Variants in ANXA13 observed in about 807,000 individuals in gnomAD.
The protein encoded by ANXA13 is annexin A13.
ANXA13 carries 36 observed loss-of-function variants against 46.6 expected under a neutral mutation model. The ratio of observed to expected loss-of-function variants is 0.77; its 90% CI spans 0.59 to 1.02. ANXA13 has a LOEUF of 1.02. Among genes scored for constraint, ANXA13 ranks in the 50% least tolerant of loss-of-function variants. ANXA13 has a pLI of 0.00. For synonymous variants in ANXA13, 163 were observed against 152.9 expected (o/e 1.07, Z -0.49); for missense variants, 417 against 396.5 (o/e 1.05, Z -0.44).
At chr8:123,706,110 G>C (rs1240158160) in intron 2 of ANXA13, among the ~76,000 whole-genome samples, 5 of 152,190 alleles carry the variant, frequency 3.3e-5, no homozygotes, top group Non-Finnish European at 5.9e-5. Flanking sequence ...TGCAAAAATA[G>C]CAGGAGTGAG....
intron 6 of ANXA13, among the ~76,000 whole-genome samples, chr8:123,695,048 CTTG>C (rs773697075): frequency 3.3e-5 from 5 of 151,902 alleles, no homozygotes; most frequent in African/African-American, 4.8e-5. Context: ...GGCTGAGTTT[CTTG>C]TTGTAGTCCT....
intron 8 of ANXA13, among the ~76,000 whole-genome samples, chr8:123,689,786 C>A (rs1200255232): frequency 2.0e-5 from 3 of 152,132 alleles, no homozygotes; most frequent in African/African-American, 7.2e-5. Context: ...TGCAATTAAG[C>A]ATTAGAAACA....
In ANXA13 at chr8:123,695,424, C is replaced by T. The variant is rs1043222568; in HGVS notation, c.471+78G>A. 6.5e-6 allele frequency: 7 copies of T among 1,072,884 alleles called. No homozygotes were observed. The African/African-American group carries it at 1.1e-4, about 17-fold the overall frequency. The allele number at this position is 1,072,884 out of a possible 1,614,324, so 66.5% of individuals were successfully genotyped here. ...AAGAAAGAAATGTTTATCTACGTTA[C>T]CCTTTTTCATCATGGTGCCATGTTG... On this transcript the variant is annotated intron_variant, in intron 6 of 10. Coordinates refer to ENST00000419625, the MANE Select transcript of ANXA13 (RefSeq NM_004306.4).
intron 1 of ANXA13, among the ~76,000 whole-genome samples, chr8:123,731,051 T>C (rs1814107749): frequency 6.6e-6 from 1 of 152,186 alleles, no homozygotes; most frequent in Non-Finnish European, 1.5e-5. Flanking sequence ...AGGCTTATGC[T>C]TCAACTGTCA....
At chr8:123,731,775 G>A (rs1814123609) in intron 1 of ANXA13, among the ~76,000 whole-genome samples, 1 of 152,142 alleles carries the variant, frequency 6.6e-6, no homozygotes, top group Admixed American at 6.5e-5. Context: ...TTGGGGGTAT[G>A]GGGGTGCTGA....
chr8:123,681,094 T>G lies in ANXA13; in HGVS notation c.*146A>C. On this transcript the variant is annotated 3_prime_UTR_variant, in exon 11 of 11. Coordinates refer to ENST00000419625, the MANE Select transcript of ANXA13 (RefSeq NM_004306.4). Reference sequence around the variant, plus strand: ...GTTACTGCCCTTAACTTACACAGCTTGGCCTGGCTGCGCCACTTAAGCTGC... The same window carrying G: ...GTTACTGCCCTTAACTTACACAGCTGGGCCTGGCTGCGCCACTTAAGCTGC... 1 of 1,152,320 alleles carries G rather than the reference T, an allele frequency of 8.7e-7. No homozygotes were observed. Among genetic ancestry groups the G allele is most frequent in the Non-Finnish European group, 1.2e-6 (1 of 834,900 alleles). The allele number at this position is 1,152,320 out of a possible 1,614,324, so 71.4% of individuals were successfully genotyped here. A position where few individuals can be genotyped will look rare whatever the true frequency, so the allele number is the denominator to read the frequency against.
chr8:123,714,750 G>A (rs1484042512), intron 1 of ANXA13, among the ~76,000 whole-genome samples: 1 of 152,206 alleles, frequency 6.6e-6, no homozygotes, highest in Non-Finnish European at 1.5e-5. Context: ...CGCAGCATCT[G>A]TTCCTGAAAC....
At chr8:123,714,117 T>A (rs1352568646) in intron 1 of ANXA13, among the ~76,000 whole-genome samples, 3 of 152,226 alleles carry the variant, frequency 2.0e-5, no homozygotes, top group Non-Finnish European at 4.4e-5. Flanking sequence ...GTCAACCACA[T>A]GCAGCTCAGT....
At chr8:123,684,857 G>A (rs1813111620) in intron 9 of ANXA13, 135 bp from the exon 10 acceptor site, 1 of 649,156 alleles carries the variant, frequency 1.5e-6, no homozygotes, top group African/African-American at 1.8e-5. Flanking sequence ...GAGCTGACTT[G>A]ACACCGTTGC....
In ANXA13 at chr8:123,698,411, A is replaced by C; in HGVS notation, c.335T>G (p.Val112Gly). 6.2e-7 allele frequency: 1 copy of C among 1,614,016 alleles called. No individual in the cohort carries two copies. The highest frequency in any genetic ancestry group is 8.5e-7 in the Non-Finnish European group (1 of 1,179,984). Residue 112 changes from valine (V) to glycine (G), a missense_variant, in exon 4 of 11, where the codon GTC becomes GGC. By Grantham distance (109) the Val-to-Gly change is moderately radical (BLOSUM62 -3). Coordinates refer to ENST00000419625, the MANE Select transcript of ANXA13 (RefSeq NM_004306.4). ...GACCTTATTGGTCCTCGTGCACAGG[A>C]CCTCAATGAGGACGGACTCATCTGT... ...LGTDESVLIE[V>G]LCTRTNKEII...
intron 1 of ANXA13, among the ~76,000 whole-genome samples, chr8:123,719,594 C>A (rs1057290657): frequency 6.6e-6 from 1 of 151,884 alleles, no homozygotes; most frequent in Non-Finnish European, 1.5e-5. Flanking sequence ...TCTCAAAGGG[C>A]GGTAGGAATT....
At chr8:123,686,691 A>G (rs965891345) in intron 9 of ANXA13, among the ~76,000 whole-genome samples, 5 of 152,052 alleles carry the variant, frequency 3.3e-5, no homozygotes, top group Non-Finnish European at 7.4e-5. Context: ...AGGAACCTGC[A>G]TTGTAACAGG....
Position 123,681,349 on chromosome 8 carries a change from T to G in ANXA13, c.842A>C (p.Gln281Pro). The change falls in exon 11 of 11, where the codon CAG becomes CCG. Residue 281 changes from glutamine to proline, a missense_variant. Coordinates refer to ENST00000419625, the MANE Select transcript of ANXA13 (RefSeq NM_004306.4). ...CTCTTGGAACTTTGCTTTGATCCCC[T>G]GAAGGTCCACCTGTAGAAAAAATAA... ...IVVTRAEVDL[Q>P]GIKAKFQEKY... 3 of 1,613,618 alleles carry G rather than the reference T, an allele frequency of 1.9e-6. No individual in the cohort carries two copies. The highest frequency in any genetic ancestry group is 2.5e-6 in the Non-Finnish European group (3 of 1,179,790).
intron 1 of ANXA13, among the ~76,000 whole-genome samples, chr8:123,730,440 A>G (rs929938526): frequency 1.3e-5 from 2 of 152,180 alleles, no homozygotes; most frequent in Non-Finnish European, 2.9e-5. Context: ...AAGCCTTCCA[A>G]GGAACTCTAA....
chr8:123,717,015 C>T (rs61342766), intron 1 of ANXA13, among the ~76,000 whole-genome samples: 7 of 152,098 alleles, frequency 4.6e-5, no homozygotes, highest in Non-Finnish European at 2.9e-5. Flanking sequence ...GGGCAACATT[C>T]CTTGTTTTGT....
At chr8:123,729,262 C>T (rs939588835) in intron 1 of ANXA13, 1 of 152,112 alleles carries the variant, frequency 6.6e-6, no homozygotes, top group Non-Finnish European at 1.5e-5. Context: ...GCCATGCCTC[C>T]CTCTCACCAG....
chr8:123,730,382 T>C (rs959798727), intron 1 of ANXA13, among the ~76,000 whole-genome samples: 3 of 152,180 alleles, frequency 2.0e-5, no homozygotes, highest in Non-Finnish European at 4.4e-5. Context: ...CCACCTTAGA[T>C]TTACTGAATC....
At chr8:123,700,102 C>T (rs1430541472) in intron 3 of ANXA13, among the ~76,000 whole-genome samples, 1 of 152,216 alleles carries the variant, frequency 6.6e-6, no homozygotes, top group African/African-American at 2.4e-5. Context: ...GATCTGCAGT[C>T]CTACAAGGGG....
In ANXA13 at chr8:123,734,263, C is replaced by A. The variant is rs918426532; in HGVS notation, c.15+3057G>T. The stretch of plus-strand genomic sequence containing the variant: ...AGTAATCTTAATATTGATCTCACTT[C>A]TGTATTTTTCCCTAGATAGTGATTC... On this transcript the variant is annotated intron_variant, in intron 1 of 10. Coordinates refer to ENST00000419625, the MANE Select transcript of ANXA13 (RefSeq NM_004306.4). 5.9e-5 allele frequency among the ~76,000 whole-genome samples: 9 copies of A among 152,198 alleles called. No individual in the cohort carries two copies. In the East Asian group the frequency reaches 1.7e-3, roughly 29 times the overall value.
Sources: allele counts gnomAD v4.1 joint callset (sites outside exome capture counted in the v4.1 genomes callset), GRCh38; gene constraint gnomAD v4.1.1; transcripts MANE v1.5; gene names NCBI Gene and HGNC (gene_info 2026-07-23, HGNC 2026-07-21).